The following RSPRY1 variants were observed in gnomAD, a reference collection of about 807,000 sequenced individuals.
The protein encoded by RSPRY1 is ring finger and SPRY domain containing 1, also known as RING finger and SPRY domain-containing protein 1.
Under a neutral mutation model 73.1 loss-of-function variants are expected in RSPRY1, and 23 were observed. That is an observed-to-expected ratio of 0.31 (90% CI 0.23 to 0.45). The LOEUF (loss-of-function observed/expected upper bound fraction) is 0.45. Ranked by LOEUF, RSPRY1 falls within the 20% of genes least tolerant of loss-of-function variation. The pLI is 1.00. For synonymous variants in RSPRY1, 226 were observed against 251.4 expected (o/e 0.90, Z 0.95); for missense variants, 448 against 698.7 (o/e 0.64, Z 4.05).
intron 1 of RSPRY1, among the ~76,000 whole-genome samples, chr16:57,187,628 T>C (rs1597834725): frequency 6.6e-6 from 1 of 152,150 alleles, no homozygotes; most frequent in East Asian, 1.9e-4. Flanking sequence ...GGGTTGCTGT[T>C]GAGGAATAAA....
intron 14 of RSPRY1, 43 bp from the exon 15 acceptor site, chr16:57,238,836 T>C (rs1369998699): frequency 8.3e-7 from 1 of 1,206,898 alleles, no homozygotes; most frequent in East Asian, 2.6e-5. Context: ...AGTTTGACCT[T>C]TTGAAGCATT....
Position 57,192,798 on chromosome 16 carries a change from C to T in RSPRY1, c.-156+6347C>T, listed in dbSNP as rs144385765. 3.7e-3 allele frequency among the ~76,000 whole-genome samples: 566 copies of T among 151,724 alleles called. 4 individuals carry two copies. The highest frequency in any genetic ancestry group is 0.013 in the African/African-American group (542 of 41,312). On this transcript the variant is annotated intron_variant, in intron 1 of 14. Coordinates refer to ENST00000394420, the MANE Select transcript of RSPRY1 (RefSeq NM_133368.3). ...ATGGTTTACTGCAGCCTCGACCTCC[C>T]CAGCTCAGGCGATCCTCCCACCCCT...
In RSPRY1 at chr16:57,240,454, C is replaced by G. The variant is rs1036807910; in HGVS notation, c.*1479C>G. The stretch of plus-strand genomic sequence containing the variant: ...TAATTTGCATTGAAGAATAAAACAT[C>G]TGTTGCCTTTTTTGACTAAGATTTC... On this transcript the variant is annotated 3_prime_UTR_variant, in exon 15 of 15. Coordinates refer to ENST00000394420, the MANE Select transcript of RSPRY1 (RefSeq NM_133368.3). 6.6e-6 allele frequency: 1 copy of G among 152,038 alleles called. No homozygotes were observed. 9.4% of individuals were successfully genotyped at this position (152,038 alleles called of 1,614,324 possible). A position where few individuals can be genotyped will look rare whatever the true frequency, so the allele number is the denominator to read the frequency against.
chr16:57,189,053 G>T (rs1321412718), intron 1 of RSPRY1, among the ~76,000 whole-genome samples: 1 of 149,620 alleles, frequency 6.7e-6, no homozygotes, highest in African/African-American at 2.5e-5. Context: ...GAGTGCAATG[G>T]CGCGATCTCA....
At chr16:57,220,887 G>C in intron 9 of RSPRY1, 40 bp downstream of exon 9, 1 of 1,376,180 alleles carries the variant, frequency 7.3e-7, no homozygotes, top group Non-Finnish European at 1.0e-6. Context: ...TGGGGGATGA[G>C]AGGGTAATTA....
At chr16:57,215,346 A>G (rs1469305127) in intron 6 of RSPRY1, among the ~76,000 whole-genome samples, 3 of 152,178 alleles carry the variant, frequency 2.0e-5, no homozygotes, top group Non-Finnish European at 4.4e-5. Context: ...AAGAAATAGA[A>G]TGCTGAATAG....
intron 1 of RSPRY1, among the ~76,000 whole-genome samples, chr16:57,200,248 A>C (rs1448975180): frequency 1.3e-5 from 2 of 149,718 alleles, no homozygotes; most frequent in African/African-American, 2.5e-5. Context: ...ACAGGATCCC[A>C]AGGCAGAAGA....
intron 1 of RSPRY1, among the ~76,000 whole-genome samples, chr16:57,193,566 CA>C (rs2074387346): frequency 6.6e-6 from 1 of 151,168 alleles, no homozygotes; most frequent in Non-Finnish European, 1.5e-5. Context: ...GATCTCGGCT[CA>C]CTGCAACCTC....
chr16:57,189,767 C>CT (rs140339510), intron 1 of RSPRY1, among the ~76,000 whole-genome samples: 127 of 151,346 alleles, frequency 8.4e-4, no homozygotes, highest in African/African-American at 3.0e-3. Context: ...AATTTTTGCA[C>CT]TTTTTTTAAG....
At chr16:57,214,528 C>T (rs1369894472) in intron 6 of RSPRY1, among the ~76,000 whole-genome samples, 1 of 152,168 alleles carries the variant, frequency 6.6e-6, no homozygotes, top group Non-Finnish European at 1.5e-5. Flanking sequence ...TTTCAAAACT[C>T]TGGTCTGAAA....
intron 6 of RSPRY1, among the ~76,000 whole-genome samples, chr16:57,215,474 G>A (rs1444229102): frequency 6.6e-6 from 1 of 152,202 alleles, no homozygotes; most frequent in Non-Finnish European, 1.5e-5. Flanking sequence ...CAATGTAGCA[G>A]TAGGGAAAGC....
At chr16:57,219,760 T>C (rs1457460657) in intron 8 of RSPRY1, 1 of 152,226 alleles carries the variant, frequency 6.6e-6, no homozygotes, top group African/African-American at 2.4e-5. Context: ...GTTTCCCCAA[T>C]GTTTTATTTT....
chr16:57,225,459 G>A (rs759523597), intron 10 of RSPRY1, among the ~76,000 whole-genome samples: 7 of 152,198 alleles, frequency 4.6e-5, no homozygotes, highest in Non-Finnish European at 5.9e-5. Context: ...TTTGGAGAGC[G>A]TTCCTCCAAA....
intron 1 of RSPRY1, among the ~76,000 whole-genome samples, chr16:57,202,063 C>T (rs559971171): frequency 9.2e-5 from 14 of 152,118 alleles, no homozygotes; most frequent in Non-Finnish European, 1.0e-4. Flanking sequence ...AGCTCACACC[C>T]GTAATCCCAA....
rs761459970 is a variant in RSPRY1, at chr16:57,221,249, G to A, written c.1018-23G>A. Reference sequence around the variant, plus strand: ...GGTCTTCAGGCCCTCATAGTTGATTGACACATTTTTTGGTTTTGCCAGGCT... The same window carrying A: ...GGTCTTCAGGCCCTCATAGTTGATTAACACATTTTTTGGTTTTGCCAGGCT... On this transcript the variant is annotated intron_variant, in intron 9 of 14. Coordinates refer to ENST00000394420, the MANE Select transcript of RSPRY1 (RefSeq NM_133368.3). 7 of 1,612,356 alleles carry A rather than the reference G, an allele frequency of 4.3e-6. No individual in the cohort carries two copies. In the East Asian group the frequency reaches 1.3e-4, roughly 31 times the overall value.
intron 4 of RSPRY1, 73 bp downstream of exon 4, chr16:57,209,260 T>C: frequency 1.0e-6 from 1 of 958,318 alleles, no homozygotes; most frequent in Non-Finnish European, 1.6e-6. Flanking sequence ...CAAAGAACAT[T>C]TGATGTATTG....
intron 10 of RSPRY1, among the ~76,000 whole-genome samples, chr16:57,223,667 G>A (rs1372776645): frequency 6.6e-6 from 1 of 152,192 alleles, no homozygotes; most frequent in Non-Finnish European, 1.5e-5. Context: ...AGCTACTCGG[G>A]AGGCTGAGGC....
intron 4 of RSPRY1, among the ~76,000 whole-genome samples, chr16:57,209,825 AC>A (rs2074800426): frequency 6.6e-6 from 1 of 150,450 alleles, no homozygotes; most frequent in African/African-American, 2.5e-5. Context: ...TAGGTGCATG[AC>A]CCCATGTCTG....
At chr16:57,234,156 T>C (rs2075267966) in intron 13 of RSPRY1, among the ~76,000 whole-genome samples, 1 of 152,152 alleles carries the variant, frequency 6.6e-6, no homozygotes, top group Non-Finnish European at 1.5e-5. Context: ...CCTGGCCTCC[T>C]TGCTGCTCCT....
Sources: allele counts gnomAD v4.1 joint callset (sites outside exome capture counted in the v4.1 genomes callset), GRCh38; gene constraint gnomAD v4.1.1; transcripts MANE v1.5; gene names NCBI Gene and HGNC (gene_info 2026-07-23, HGNC 2026-07-21).